Variants in CENPP observed in about 807,000 individuals in gnomAD.
The protein encoded by CENPP is centromere protein P.
A neutral mutation model predicts 35.6 loss-of-function variants in CENPP; 24 were observed. That is an observed-to-expected ratio of 0.67 (90% CI 0.49 to 0.95). The LOEUF is 0.95. CENPP is among the 40% of genes least tolerant of loss of function. The pLI is 0.00. For synonymous variants in CENPP, 120 were observed against 125.5 expected, an observed-to-expected ratio of 0.96 and a Z score of 0.29; for missense variants, 332 against 345.3, an observed-to-expected ratio of 0.96 and a Z score of 0.31.
At chr9:92,481,893 T>C (rs954662930) in intron 5 of CENPP, among the ~76,000 whole-genome samples, 1 of 152,098 alleles carries the variant, frequency 6.6e-6, no homozygotes, top group African/African-American at 2.4e-5. Flanking sequence ...AAAATATATT[T>C]ACTGTTTCAT....
chr9:92,616,423 G>A lies in CENPP; in HGVS notation c.*3274G>A, dbSNP rs111515061. The A allele has an allele frequency of 1.8e-3, 339 of 187,022 alleles. No individual in the cohort carries two copies. The highest frequency in any genetic ancestry group is 7.5e-3 in the African/African-American group (320 of 42,594). The allele number at this position is 187,022 out of a possible 1,614,324, so 11.6% of individuals were successfully genotyped here. ...ATGTGAGCGATGTTCCCCCAGCCCA[G>A]TGGTATAAACGAACGCTGAAAAATC... On this transcript the variant is annotated 3_prime_UTR_variant, in exon 8 of 8. Coordinates refer to ENST00000375587, the MANE Select transcript of CENPP (RefSeq NM_001012267.3).
At chr9:92,351,723 C>T (rs1291255111) in intron 4 of CENPP, among the ~76,000 whole-genome samples, 1 of 151,960 alleles carries the variant, frequency 6.6e-6, no homozygotes, top group Non-Finnish European at 1.5e-5. Context: ...CTCTACCTCA[C>T]CAGGGATTCT....
At chr9:92,414,599 C>T (rs1182747792) in intron 5 of CENPP, 1 of 208,434 alleles carries the variant, frequency 4.8e-6, no homozygotes, top group Admixed American at 5.9e-5. Context: ...AAATATCATT[C>T]TATGTGCTAT....
chr9:92,392,282 G>T (rs550728370), intron 5 of CENPP, among the ~76,000 whole-genome samples: 2 of 152,240 alleles, frequency 1.3e-5, no homozygotes, highest in East Asian at 1.9e-4. Context: ...CCCTACCCCA[G>T]ATCTGAATTA....
intron 4 of CENPP, among the ~76,000 whole-genome samples, chr9:92,347,497 T>A (rs1324410563): frequency 6.6e-6 from 1 of 152,250 alleles, no homozygotes; most frequent in Non-Finnish European, 1.5e-5. Context: ...TATTCCAGAT[T>A]CAACTACGTG....
intron 5 of CENPP, among the ~76,000 whole-genome samples, chr9:92,469,228 C>T (rs1845421798): frequency 6.6e-6 from 1 of 152,048 alleles, no homozygotes; most frequent in African/African-American, 2.4e-5. Context: ...TAAATATATG[C>T]TCTTCTAGTT....
At chr9:92,601,516 C>A (rs920472197) in intron 5 of CENPP, among the ~76,000 whole-genome samples, 1 of 152,166 alleles carries the variant, frequency 6.6e-6, no homozygotes, top group South Asian at 2.1e-4. Flanking sequence ...ATCTGAAAAC[C>A]CCATCTCGCC....
intron 5 of CENPP, among the ~76,000 whole-genome samples, chr9:92,570,311 C>T (rs1432523926): frequency 6.6e-6 from 1 of 152,052 alleles, no homozygotes; most frequent in African/African-American, 2.4e-5. Context: ...TTGTTGAAGG[C>T]CTTTTCTGCA....
chr9:92,517,437 A>C (rs1490694454), intron 5 of CENPP: 1 of 596,960 alleles, frequency 1.7e-6, no homozygotes, highest in Non-Finnish European at 2.9e-6. Flanking sequence ...TGAGAGTCAA[A>C]TGTGGAATGT....
chr9:92,352,598 C>T (rs1588052598), intron 4 of CENPP, among the ~76,000 whole-genome samples: 1 of 142,974 alleles, frequency 7.0e-6, no homozygotes, highest in Non-Finnish European at 1.5e-5. Flanking sequence ...CGTAATAGGC[C>T]GTCTGCAGGC....
intron 5 of CENPP, among the ~76,000 whole-genome samples, chr9:92,567,381 T>TATAG (rs1554688270): frequency 6.2e-5 from 5 of 80,194 alleles, no homozygotes; most frequent in African/African-American, 3.6e-4. Context: ...TAGATATATA[T>TATAG]ATATATATAT....
rs1851276563 is a variant in CENPP, at chr9:92,612,120, A to G, written c.645-403A>G. 2.0e-5 allele frequency among the ~76,000 whole-genome samples: 3 copies of G among 152,230 alleles called. No homozygotes were observed. The South Asian group carries it at 6.2e-4, about 31-fold the overall frequency. ...TTTGTTCTGGCTCACACCTCCTGGCACACAGTACATAAGCTTCTCCTGGGC... is the reference window on the plus strand; with the variant it reads ...TTTGTTCTGGCTCACACCTCCTGGCGCACAGTACATAAGCTTCTCCTGGGC... On this transcript the variant is annotated intron_variant, in intron 6 of 7. Coordinates refer to ENST00000375587, the MANE Select transcript of CENPP (RefSeq NM_001012267.3).
At chr9:92,404,715 A>G (rs777788718) in intron 5 of CENPP, 3 of 1,160,970 alleles carry the variant, frequency 2.6e-6, no homozygotes, top group Admixed American at 4.9e-5. Flanking sequence ...GTACTAGAGA[A>G]CTGTGCTTAA....
chr9:92,355,430 A>G (rs1436043863), intron 4 of CENPP, among the ~76,000 whole-genome samples: 1 of 152,162 alleles, frequency 6.6e-6, no homozygotes, highest in Non-Finnish European at 1.5e-5. Flanking sequence ...TACATAAAAC[A>G]AACACATTAA....
chr9:92,477,693 C>A (rs1339626896), intron 5 of CENPP, among the ~76,000 whole-genome samples: 1 of 152,132 alleles, frequency 6.6e-6, no homozygotes, highest in African/African-American at 2.4e-5. Flanking sequence ...GTAGAGCACA[C>A]CTTCCTCCCC....
At chr9:92,587,390 A>T (rs1441494228) in intron 5 of CENPP, among the ~76,000 whole-genome samples, 2 of 151,958 alleles carry the variant, frequency 1.3e-5, no homozygotes, top group Non-Finnish European at 2.9e-5. Context: ...AGTCACTTGA[A>T]CCTGGGAGGT....
intron 5 of CENPP, among the ~76,000 whole-genome samples, chr9:92,577,733 T>G (rs1301407846): frequency 1.3e-5 from 2 of 152,126 alleles, no homozygotes; most frequent in Non-Finnish European, 2.9e-5. Flanking sequence ...GTGGGAAGAT[T>G]GAGCCCAGGA....
At chr9:92,559,995 C>G (rs981821840) in intron 5 of CENPP, among the ~76,000 whole-genome samples, 3 of 152,098 alleles carry the variant, frequency 2.0e-5, no homozygotes, top group Non-Finnish European at 2.9e-5. Context: ...TAGAAATTAG[C>G]TGGGCAAGGT....
intron 5 of CENPP, among the ~76,000 whole-genome samples, chr9:92,473,339 A>C (rs1845596172): frequency 6.6e-6 from 1 of 152,172 alleles, no homozygotes; most frequent in African/African-American, 2.4e-5. Context: ...TCTTACCCAG[A>C]ACTAACCCAG....
Sources: allele counts gnomAD v4.1 joint callset (sites outside exome capture counted in the v4.1 genomes callset), GRCh38; gene constraint gnomAD v4.1.1; transcripts MANE v1.5; gene names NCBI Gene and HGNC (gene_info 2026-07-23, HGNC 2026-07-21).